LINGO2: variants seen among roughly 807,000 people sequenced by gnomAD.
The protein encoded by LINGO2 is leucine rich repeat and Ig domain containing 2.
In LINGO2, 14 loss-of-function variants were observed where a neutral mutation model predicts 30.6. The observed-to-expected ratio is 0.46, with a 90% confidence interval of 0.30 to 0.72. The LOEUF (loss-of-function observed/expected upper bound fraction) is 0.72. LINGO2 is among the 30% of genes least tolerant of loss of function. The probability of loss-of-function intolerance (pLI) is 0.07; values close to 1 mark genes in which losing one functional copy is unlikely to be tolerated. For synonymous variants in LINGO2, 317 were observed against 288.5 expected, an observed-to-expected ratio of 1.10 and a Z score of -1.00; for missense variants, 729 against 751.7, an observed-to-expected ratio of 0.97 and a Z score of 0.35.
At chr9:28,654,162 T>G (rs901614565) in intron 1 of LINGO2, among the ~76,000 whole-genome samples, 2 of 152,114 alleles carry the variant, frequency 1.3e-5, no homozygotes, top group Non-Finnish European at 2.9e-5. Context: ...GGATTAGTTT[T>G]AAACAAATAA....
chr9:28,184,585 G>A (rs892488033), intron 4 of LINGO2, among the ~76,000 whole-genome samples: 68 of 149,976 alleles, frequency 4.5e-4, no homozygotes, highest in African/African-American at 1.6e-3. Flanking sequence ...GGTAAGAGGG[G>A]GGAGAGAAAA....
intron 4 of LINGO2, among the ~76,000 whole-genome samples, chr9:28,036,113 C>G (rs976384505): frequency 6.6e-6 from 1 of 152,128 alleles, no homozygotes; most frequent in African/African-American, 2.4e-5. Context: ...AAGGAGTTTT[C>G]TACTGGTGAG....
At chr9:28,064,307 T>TG (rs1308217669) in intron 4 of LINGO2, among the ~76,000 whole-genome samples, 1 of 152,142 alleles carries the variant, frequency 6.6e-6, no homozygotes, top group African/African-American at 2.4e-5. Flanking sequence ...CCATTCAACC[T>TG]GGGGCAGGAA....
At chr9:28,436,035 A>G (rs1371435608) in intron 2 of LINGO2, among the ~76,000 whole-genome samples, 1 of 152,170 alleles carries the variant, frequency 6.6e-6, no homozygotes, top group Non-Finnish European at 1.5e-5. Flanking sequence ...AGTTACCAAG[A>G]TTACTAACTT....
chr9:28,047,221 A>G (rs1446503926), intron 4 of LINGO2, among the ~76,000 whole-genome samples: 1 of 152,120 alleles, frequency 6.6e-6, no homozygotes, highest in East Asian at 1.9e-4. Flanking sequence ...CCCCTACATA[A>G]CAAATCTTTG....
the LINGO2 span, among the ~76,000 whole-genome samples, chr9:29,030,990 T>C: frequency 6.6e-6 from 1 of 152,192 alleles, no homozygotes; most frequent in East Asian, 1.9e-4. Context: ...TAAACAAACT[T>C]GTTTCTTATT....
At chr9:28,678,209 G>A in the LINGO2 span, among the ~76,000 whole-genome samples, 1 of 150,038 alleles carries the variant, frequency 6.7e-6, no homozygotes, top group African/African-American at 2.5e-5. Context: ...ATCTGTCACA[G>A]TCAAACTTTC....
rs532293357 is a variant in LINGO2, at chr9:28,013,423, G to A, written c.-86-1018C>T. The stretch of plus-strand genomic sequence containing the variant: ...TCTGCTGTACTCAGGGAAAAATCTC[G>A]TTGATGTTAAACTAGTGTGGTCTCT... On this transcript the variant is annotated intron_variant, in intron 4 of 5. Coordinates refer to ENST00000379992, the Ensembl canonical transcript of LINGO2. Among the ~76,000 whole-genome samples, 56 of 152,290 alleles carry A rather than the reference G, an allele frequency of 3.7e-4. 1 individual carries two copies. In the South Asian group the frequency reaches 8.5e-3, roughly 23 times the overall value.
In LINGO2 at chr9:28,345,017, A is replaced by G. The variant is rs1462608809; in HGVS notation, c.-246+27819T>C. ...TAGACAGTGGTAGTTCACTGACTCA[A>G]TATAAAATCTGGCATCATTCCCTTT... is the stretch of plus-strand genomic sequence containing the variant. On this transcript the variant is annotated intron_variant, in intron 3 of 5. Coordinates refer to ENST00000379992, the Ensembl canonical transcript of LINGO2. Among the ~76,000 whole-genome samples, 4 of 152,160 alleles carry G rather than the reference A, an allele frequency of 2.6e-5. 1 individual carries two copies. Among genetic ancestry groups the G allele is most frequent in the African/African-American group, 9.7e-5 (4 of 41,448 alleles).
chr9:29,064,326 T>C, the LINGO2 span, among the ~76,000 whole-genome samples: 4,124 of 152,158 alleles, frequency 0.027, 200 homozygotes, highest in African/African-American at 0.095. Flanking sequence ...TTTGTAGTTT[T>C]AAATGCCTTC....
At chr9:29,045,722 A>G in the LINGO2 span, among the ~76,000 whole-genome samples, 5 of 152,150 alleles carry the variant, frequency 3.3e-5, no homozygotes, top group Admixed American at 2.0e-4. Flanking sequence ...AAATCTGTCA[A>G]TTGCTTAGGG....
the LINGO2 span, among the ~76,000 whole-genome samples, chr9:29,056,976 T>G: frequency 2.0e-5 from 3 of 152,158 alleles, no homozygotes; most frequent in Non-Finnish European, 4.4e-5. Flanking sequence ...TACCATGCTG[T>G]TTTGGTGACT....
intron 5 of LINGO2, among the ~76,000 whole-genome samples, chr9:27,990,462 A>ACCC (rs10671360): frequency 0.056 from 6,585 of 116,904 alleles, 258 homozygotes; most frequent in Non-Finnish European, 0.084. Context: ...TGGTCTCAAT[A>ACCC]CCCCCCCCCC....
At chr9:28,485,123 C>G (rs1826120270) in intron 1 of LINGO2, among the ~76,000 whole-genome samples, 1 of 152,050 alleles carries the variant, frequency 6.6e-6, no homozygotes. Flanking sequence ...CAATGATTCC[C>G]AACTTCTTAT....
the LINGO2 span, among the ~76,000 whole-genome samples, chr9:28,884,720 T>C: frequency 6.9e-6 from 1 of 145,258 alleles, no homozygotes; most frequent in Non-Finnish European, 1.5e-5. Context: ...TACAAATTTG[T>C]AATATATAAA....
chr9:28,883,626 G>GTATATATATATATA, the LINGO2 span, among the ~76,000 whole-genome samples: 1 of 25,638 alleles, frequency 3.9e-5, no homozygotes, highest in African/African-American at 9.6e-5. Context: ...ATATGTGTGT[G>GTATATATATATATA]TGTATATATA....
chr9:28,613,615 G>T (rs1375034144), intron 1 of LINGO2, among the ~76,000 whole-genome samples: 1 of 152,072 alleles, frequency 6.6e-6, no homozygotes, highest in Admixed American at 6.6e-5. Context: ...TGAGCCCATT[G>T]TTGGTGGGAT....
chr9:28,158,814 A>G (rs1388182316), intron 4 of LINGO2, among the ~76,000 whole-genome samples: 2 of 152,334 alleles, frequency 1.3e-5, no homozygotes, highest in South Asian at 2.1e-4. Flanking sequence ...CATTCACAAT[A>G]CAGCTGAAAA....
chr9:28,808,876 A>T, the LINGO2 span, among the ~76,000 whole-genome samples: 1 of 152,150 alleles, frequency 6.6e-6, no homozygotes, highest in Non-Finnish European at 1.5e-5. Context: ...CTAGAAAGCA[A>T]ATTTTCTTAG....
Sources: gnomAD v4.1 joint callset for allele counts (sites outside exome capture counted in the v4.1 genomes callset) on GRCh38, gnomAD v4.1.1 for gene constraint, MANE v1.5 for transcripts, NCBI Gene and HGNC (gene_info 2026-07-23, HGNC 2026-07-21) for gene names.